The following PDZRN4 variants were observed in gnomAD, a reference collection of about 807,000 sequenced individuals.
PDZRN4 encodes PDZ domain-containing RING finger protein 4.
A neutral mutation model predicts 99.0 loss-of-function variants in PDZRN4; 70 were observed. The observed-to-expected ratio is 0.71, with a 90% confidence interval of 0.58 to 0.86. The LOEUF is 0.86. PDZRN4 is among the 40% of genes least tolerant of loss of function. The pLI is 0.00. For synonymous variants in PDZRN4, 551 were observed against 501.6 expected (o/e 1.10, Z -1.32); for missense variants, 1,474 against 1,331.2 (o/e 1.11, Z -1.67).
intron 3 of PDZRN4, among the ~76,000 whole-genome samples, chr12:41,497,413 A>G (rs1938028528): frequency 1.3e-5 from 2 of 152,032 alleles, no homozygotes; most frequent in Admixed American, 1.3e-4. Context: ...ATTCCTTGTT[A>G]CGTTTTAAAT....
At position 41,552,919 on chromosome 12, in the gene PDZRN4, C is replaced by T. The variant is rs185211972; in HGVS notation, c.1302+165C>T. 2.2e-4 allele frequency among the ~76,000 whole-genome samples: 33 copies of T among 152,230 alleles called. No individual in the cohort carries two copies. In the Middle Eastern group the frequency reaches 0.014, roughly 63 times the overall value. ...TCAATTAGGAAAGTAAATTATTCTG[C>T]CCAAGTAATGTAATTATTATGAGCT... On this transcript the variant is annotated intron_variant, in intron 6 of 9. Transcript: ENST00000402685.
intron 3 of PDZRN4, among the ~76,000 whole-genome samples, chr12:41,395,745 T>G (rs531042271): frequency 3.3e-5 from 5 of 152,294 alleles, no homozygotes; most frequent in African/African-American, 1.2e-4. Context: ...CTTTAAATTT[T>G]TCTAGAAGTT....
chr12:41,210,522 A>G (rs1171043935), intron 3 of PDZRN4, among the ~76,000 whole-genome samples: 1 of 152,034 alleles, frequency 6.6e-6, no homozygotes, highest in Admixed American at 6.6e-5. Context: ...TGAAGAAAAT[A>G]TTATACTTTA....
chr12:41,406,375 C>T (rs146863668), intron 3 of PDZRN4, among the ~76,000 whole-genome samples: 85 of 152,228 alleles, frequency 5.6e-4, no homozygotes, highest in Admixed American at 8.5e-4. Flanking sequence ...AAAAAATCAA[C>T]GCCTACTGTT....
chr12:41,545,982 G>C (rs952882090), intron 5 of PDZRN4, among the ~76,000 whole-genome samples: 3 of 152,126 alleles, frequency 2.0e-5, no homozygotes, highest in African/African-American at 7.2e-5. Flanking sequence ...TCAACTAAGA[G>C]TGGGCGGTTT....
At chr12:41,376,324 C>T (rs1348223857) in intron 3 of PDZRN4, among the ~76,000 whole-genome samples, 1 of 152,048 alleles carries the variant, frequency 6.6e-6, no homozygotes, top group Non-Finnish European at 1.5e-5. Flanking sequence ...AATGGTTGTA[C>T]CAATTTTTAT....
At chr12:41,379,117 A>AT (rs1952103668) in intron 3 of PDZRN4, among the ~76,000 whole-genome samples, 1 of 151,716 alleles carries the variant, frequency 6.6e-6, no homozygotes, top group African/African-American at 2.4e-5. Flanking sequence ...GAATTTATTC[A>AT]TTTTTTAGGT....
intron 3 of PDZRN4, among the ~76,000 whole-genome samples, chr12:41,474,525 T>C (rs1167961833): frequency 2.0e-5 from 3 of 152,236 alleles, no homozygotes; most frequent in Non-Finnish European, 4.4e-5. Flanking sequence ...TTGTAAACGA[T>C]GGAGTTGAAA....
intron 5 of PDZRN4, among the ~76,000 whole-genome samples, chr12:41,524,179 C>T (rs564062796): frequency 2.1e-4 from 32 of 152,164 alleles, no homozygotes; most frequent in African/African-American, 7.5e-4. Flanking sequence ...CCCTGAAATG[C>T]ATAAAATAAT....
intron 3 of PDZRN4, among the ~76,000 whole-genome samples, chr12:41,265,563 G>C (rs755369189): frequency 9.9e-5 from 15 of 152,066 alleles, no homozygotes; most frequent in Non-Finnish European, 2.1e-4. Context: ...GAAAACACTA[G>C]GCATTAAAGA....
At position 41,562,708 on chromosome 12, in the gene PDZRN4, T is replaced by C. The variant is rs149103402; in HGVS notation, c.1366-840T>C. The stretch of plus-strand genomic sequence containing the variant: ...AAAATGTAGTTTAAAAAAAGAAACT[T>C]TACAAATCTTATTTACTTTTTCTTT... On this transcript the variant is annotated intron_variant, in intron 7 of 9. Coordinates refer to ENST00000402685, the MANE Select transcript of PDZRN4 (RefSeq NM_001164595.2). 3.2e-4 allele frequency among the ~76,000 whole-genome samples: 49 copies of C among 152,152 alleles called. 2 individuals carry two copies. The East Asian group carries it at 9.5e-3, about 29-fold the overall frequency.
At chr12:41,315,357 A>C (rs1345418608) in intron 3 of PDZRN4, among the ~76,000 whole-genome samples, 2 of 151,898 alleles carry the variant, frequency 1.3e-5, no homozygotes, top group Non-Finnish European at 2.9e-5. Context: ...TTTTTTTCCC[A>C]CTCTTGTTTA....
chr12:41,286,864 G>C (rs1297567863), intron 3 of PDZRN4, among the ~76,000 whole-genome samples: 4 of 151,892 alleles, frequency 2.6e-5, no homozygotes, highest in African/African-American at 7.3e-5. Context: ...AAAATATATG[G>C]GATATTTTTC....
chr12:41,204,775 G>T (rs777901302), intron 3 of PDZRN4, among the ~76,000 whole-genome samples: 1 of 151,910 alleles, frequency 6.6e-6, no homozygotes, highest in Non-Finnish European at 1.5e-5. Flanking sequence ...TTTGGGTGGG[G>T]ACACAGCCAA....
chr12:41,350,517 T>C (rs1173903869), intron 3 of PDZRN4, among the ~76,000 whole-genome samples: 1 of 152,122 alleles, frequency 6.6e-6, no homozygotes, highest in Non-Finnish European at 1.5e-5. Context: ...TCAAATTTGA[T>C]ACATTTTAGT....
At chr12:41,482,737 A>C (rs1937696700) in intron 3 of PDZRN4, among the ~76,000 whole-genome samples, 1 of 152,120 alleles carries the variant, frequency 6.6e-6, no homozygotes, top group Non-Finnish European at 1.5e-5. Context: ...TCAGAGAAGA[A>C]CATTTTAATG....
At chr12:41,216,139 C>T (rs1301882537) in intron 3 of PDZRN4, among the ~76,000 whole-genome samples, 2 of 151,872 alleles carry the variant, frequency 1.3e-5, no homozygotes, top group African/African-American at 2.4e-5. Flanking sequence ...ACATCCATTT[C>T]CATAGGCCAA....
At chr12:41,521,739 G>A (rs1938495842) in intron 5 of PDZRN4, among the ~76,000 whole-genome samples, 1 of 151,988 alleles carries the variant, frequency 6.6e-6, no homozygotes, top group African/African-American at 2.4e-5. Flanking sequence ...ATTTTAAAAG[G>A]ACTGTATGCT....
At position 41,341,317 on chromosome 12, in the gene PDZRN4, AC is replaced by A. The variant is rs1190501869; in HGVS notation, c.843+147131del. ...AAACATTACAAAGGTGCCTACTTTT[AC>A]CACTCCTATTCAATGTAGTATTGAA... is the stretch of plus-strand genomic sequence containing the variant. On this transcript the variant is annotated intron_variant, in intron 3 of 9. Coordinates refer to ENST00000402685, the MANE Select transcript of PDZRN4 (RefSeq NM_001164595.2). Among the ~76,000 whole-genome samples the A allele has an allele frequency of 2.6e-5, 4 of 151,902 alleles. No individual in the cohort carries two copies. In the East Asian group the frequency reaches 7.7e-4, roughly 29 times the overall value.
Sources: allele counts gnomAD v4.1 joint callset (sites outside exome capture counted in the v4.1 genomes callset), GRCh38; gene constraint gnomAD v4.1.1; transcripts MANE v1.5; gene names NCBI Gene and HGNC (gene_info 2026-07-23, HGNC 2026-07-21).